The following TICRR variants were observed in gnomAD, a reference collection of about 807,000 sequenced individuals.
TICRR encodes the protein TOPBP1 interacting checkpoint and replication regulator, also known as treslin.
A neutral mutation model predicts 178.1 loss-of-function variants in TICRR; 132 were observed. The ratio of observed to expected loss-of-function variants is 0.74; its 90% CI spans 0.64 to 0.86. The LOEUF is 0.86. TICRR is among the 40% of genes least tolerant of loss of function. TICRR has a pLI of 0.00. For missense variants in TICRR, 2,587 were observed against 2,334.3 expected, an observed-to-expected ratio of 1.11 and a Z score of -2.23; for synonymous variants, 991 against 900.7, an observed-to-expected ratio of 1.10 and a Z score of -1.79.
intron 14 of TICRR, 85 bp from the exon 15 acceptor site, chr15:89,608,718 G>A: frequency 8.0e-7 from 1 of 1,252,920 alleles, no homozygotes; most frequent in South Asian, 1.7e-5. Context: ...GAGCTTCTCT[G>A]TTTTGGTTAT....
At position 89,626,886 on chromosome 15, in the gene TICRR, A is replaced by G. The variant is rs919790708; in HGVS notation, c.5603-70A>G. 67 of 1,566,922 alleles carry G rather than the reference A, an allele frequency of 4.3e-5. 1 individual carries two copies. In the Middle Eastern group the frequency reaches 6.8e-4, roughly 16 times the overall value. ...CTGTTTTTGTGTGTAACCCTCTGCA[A>G]TTTAAGCCAATTTTTTTCAGTTCGG... is the stretch of plus-strand genomic sequence containing the variant. On this transcript the variant is annotated intron_variant, in intron 21 of 21. Transcript: ENST00000268138.
intron 2 of TICRR, among the ~76,000 whole-genome samples, chr15:89,583,357 C>T (rs1962765014): frequency 6.6e-6 from 1 of 152,134 alleles, no homozygotes; most frequent in South Asian, 2.1e-4. Flanking sequence ...TCTACAGAAA[C>T]CCAGAATGAT....
In TICRR at chr15:89,594,397, G is replaced by A. The variant is rs777686650; in HGVS notation, c.1542-18G>A. ...AAATTAGAATGTTGGTTTTATTCTA[G>A]ACATCTTGACTTCACAGGTTACTAC... On this transcript the variant is annotated intron_variant, in intron 5 of 21. Transcript: ENST00000268138. The A allele has an allele frequency of 7.0e-5, 111 of 1,587,098 alleles. No individual in the cohort carries two copies. The highest frequency in any genetic ancestry group is 9.0e-5 in the Non-Finnish European group (105 of 1,166,950).
At chr15:89,619,603 A>G (rs1963391151) in intron 17 of TICRR, 105 bp from the exon 18 acceptor site, 2 of 1,228,720 alleles carry the variant, frequency 1.6e-6, no homozygotes, top group African/African-American at 1.5e-5. Flanking sequence ...CTGAATTTCC[A>G]TCTTATATGT....
chr15:89,604,014 G>T (rs1244662148), intron 13 of TICRR, among the ~76,000 whole-genome samples: 1 of 151,590 alleles, frequency 6.6e-6, no homozygotes, highest in African/African-American at 2.4e-5. Context: ...GTTGATATAA[G>T]GACTTGAGGT....
chr15:89,613,730 T>C (rs1290656286), intron 15 of TICRR, among the ~76,000 whole-genome samples: 3 of 140,116 alleles, frequency 2.1e-5, no homozygotes, highest in Non-Finnish European at 3.0e-5. Context: ...AGAATTTCTA[T>C]TCGCTTTTTT....
chr15:89,583,599 A>G (rs1361273134), intron 2 of TICRR, among the ~76,000 whole-genome samples: 1 of 152,222 alleles, frequency 6.6e-6, no homozygotes, highest in Non-Finnish European at 1.5e-5. Context: ...ACCTCCTCAT[A>G]AGATATGATG....
Position 89,616,433 on chromosome 15 carries a change from G to T in TICRR, c.2898G>T (p.Val966=), listed in dbSNP as rs1160586808. 6.2e-7 allele frequency: 1 copy of T among 1,614,036 alleles called. No homozygotes were observed. The highest frequency in any genetic ancestry group is 1.1e-5 in the South Asian group (1 of 91,080). ...KGYHKLLTKS[V]AETPVHKQIS... ...ATCACAAACTGCTGACTAAGAGTGT[G>T]GCCGAGACTCCAGTGCATAAGCAGA... Residue 966 remains valine (V), a synonymous_variant, in exon 16 of 22, where the codon GTG becomes GTT. Coordinates refer to ENST00000268138, the MANE Select transcript of TICRR (RefSeq NM_152259.4).
chr15:89,600,652 G>GA lies in TICRR; in HGVS notation c.2127dup (p.Leu710ThrfsTer3). The GA allele has an allele frequency of 3.1e-6, 5 of 1,590,840 alleles. No homozygotes were observed. Among genetic ancestry groups the GA allele is most frequent in the Non-Finnish European group, 3.4e-6 (4 of 1,166,342 alleles). On this transcript the variant is annotated frameshift_variant, in exon 9 of 22. Transcript: ENST00000268138. LOFTEE classifies it high-confidence loss of function. ...AGTAAAAGTCTTCGACAGAATCTAG[G>GA]AAAAAAACTGGATAAGGAAGACAAA... is the stretch of plus-strand genomic sequence containing the variant.
chr15:89,606,346 A>G (rs965545329), intron 13 of TICRR, among the ~76,000 whole-genome samples: 7 of 152,200 alleles, frequency 4.6e-5, no homozygotes, highest in Admixed American at 1.3e-4. Context: ...CATTACATGT[A>G]CTTACTGGTT....
At chr15:89,583,567 A>G (rs189909697) in intron 2 of TICRR, among the ~76,000 whole-genome samples, 339 of 152,336 alleles carry the variant, frequency 2.2e-3, no homozygotes, top group African/African-American at 7.7e-3. Flanking sequence ...ATATAATTTC[A>G]TTACACAGTC....
At chr15:89,582,486 G>T (rs903239242) in intron 1 of TICRR, among the ~76,000 whole-genome samples, 200 bp from the exon 2 acceptor site, 1 of 152,112 alleles carries the variant, frequency 6.6e-6, no homozygotes, top group African/African-American at 2.4e-5. Flanking sequence ...TTCTCAAAGG[G>T]ATATAAGGTA....
At chr15:89,595,339 T>C in intron 6 of TICRR, 54 bp from the exon 7 acceptor site, 1 of 1,293,540 alleles carries the variant, frequency 7.7e-7, no homozygotes, top group Non-Finnish European at 1.1e-6. Context: ...TAGTTCTTCT[T>C]TCCACAGAAG....
At chr15:89,610,000 A>T (rs895058890) in intron 15 of TICRR, among the ~76,000 whole-genome samples, 2 of 152,106 alleles carry the variant, frequency 1.3e-5, no homozygotes, top group African/African-American at 4.8e-5. Flanking sequence ...TCTTTGATCC[A>T]TTGGTTATTT....
rs183165264 is a variant in TICRR at position 89,598,208 on chromosome 15, C to T, written c.1901-1116C>T. On this transcript the variant is annotated intron_variant, in intron 7 of 21. Transcript: ENST00000268138. ...CAGGATGGTCTCGATCTCCTGACCT[C>T]GTGATCTGCCCACCTCAGCCTCCCA... 2.4e-3 allele frequency among the ~76,000 whole-genome samples: 361 copies of T among 152,104 alleles called. 2 individuals carry two copies. The highest frequency in any genetic ancestry group is 3.9e-3 in the Non-Finnish European group (264 of 67,994).
Position 89,582,564 on chromosome 15 carries a change from A to G in TICRR, c.655-122A>G, listed in dbSNP as rs556198408. The G allele has an allele frequency of 5.5e-5, 49 of 889,088 alleles. No individual in the cohort carries two copies. The South Asian group carries it at 7.3e-4, about 13-fold the overall frequency. The allele number at this position is 889,088 out of a possible 1,614,324, so 55.1% of individuals were successfully genotyped here. On this transcript the variant is annotated intron_variant, in intron 1 of 21. Transcript: ENST00000268138. The stretch of plus-strand genomic sequence containing the variant: ...TATTTCTATTTAGCTCAGCAAATAC[A>G]TTGGTTGTGTAATTCGATCCTTTAA...
chr15:89,602,048 G>C, intron 12 of TICRR, 72 bp downstream of exon 12: 1 of 1,559,804 alleles, frequency 6.4e-7, no homozygotes, highest in Non-Finnish European at 8.7e-7. Flanking sequence ...TTAAACTACA[G>C]TCCAGTCATC....
chr15:89,611,307 C>T (rs1963253328), intron 15 of TICRR, among the ~76,000 whole-genome samples: 1 of 152,132 alleles, frequency 6.6e-6, no homozygotes, highest in African/African-American at 2.4e-5. Flanking sequence ...TTCAGGACTT[C>T]AAATGTGACA....
At chr15:89,614,846 G>C (rs1211353476) in intron 15 of TICRR, among the ~76,000 whole-genome samples, 1 of 152,200 alleles carries the variant, frequency 6.6e-6, no homozygotes, top group Admixed American at 6.5e-5. Flanking sequence ...GAACCCATAA[G>C]TTTCACAGCC....
Sources: gnomAD v4.1 joint callset for allele counts (sites outside exome capture counted in the v4.1 genomes callset) on GRCh38, gnomAD v4.1.1 for gene constraint, MANE v1.5 for transcripts, NCBI Gene and HGNC (gene_info 2026-07-23, HGNC 2026-07-21) for gene names.